The following ERH variants were observed in gnomAD, a reference collection of about 807,000 sequenced individuals.
ERH encodes the protein enhancer of rudimentary homolog.
A neutral mutation model predicts 16.8 loss-of-function variants in ERH; 1 was observed. The ratio of observed to expected loss-of-function variants is 0.06; its 90% confidence interval spans 0.02 to 0.28. The LOEUF (loss-of-function observed/expected upper bound fraction) is 0.28. Ranked by LOEUF, ERH falls within the 10% of genes least tolerant of loss-of-function variation. The pLI, the probability that ERH is intolerant of heterozygous loss-of-function variation, is 1.00. For synonymous variants in ERH, 43 were observed against 43.6 expected, an observed-to-expected ratio of 0.99 and a Z score of 0.05; for missense variants, 42 against 127.5, an observed-to-expected ratio of 0.33 and a Z score of 3.23.
Position 69,380,525 on chromosome 14 carries a change from GCT to G in ERH, c.*11_*12del. On this transcript the variant is annotated 3_prime_UTR_variant, in exon 4 of 4. Transcript: ENST00000557016. ...CCAAGCCCACCCCAACCCCCCCAGT[GCT>G]TCCAACACAATTATTTCCCAGCCTG... The G allele has an allele frequency of 7.8e-7, 1 of 1,274,750 alleles. No homozygotes were observed. The highest frequency in any genetic ancestry group is 1.1e-6 in the Non-Finnish European group (1 of 872,474). 79.0% of individuals were successfully genotyped at this position (1,274,750 alleles called of 1,614,324 possible).
In ERH at chr14:69,387,088, G is replaced by A; in HGVS notation, c.92-5C>T. On this transcript the variant is annotated splice_region_variant and splice_polypyrimidine_tract_variant and intron_variant, in intron 2 of 3. Transcript: ENST00000557016. ...CTTCATACATTTTACAAACACCTAA[G>A]AAAGGATAGGAAAAAAAGCAAAATC... 1 of 1,612,292 alleles carries A rather than the reference G, an allele frequency of 6.2e-7. No individual in the cohort carries two copies. The highest frequency in any genetic ancestry group is 8.5e-7 in the Non-Finnish European group (1 of 1,179,234).
chr14:69,387,983 T>C lies in ERH; in HGVS notation c.92-900A>G, dbSNP rs924011073. ...ATGGCATGAACCTGGGAGGTGGAGATTGCAGTGAGCCGAGATCGGCCACTG... is the reference window on the plus strand; with the variant it reads ...ATGGCATGAACCTGGGAGGTGGAGACTGCAGTGAGCCGAGATCGGCCACTG... On this transcript the variant is annotated intron_variant, in intron 2 of 3. Transcript: ENST00000557016. Among the ~76,000 whole-genome samples, 4 of 152,100 alleles carry C rather than the reference T, an allele frequency of 2.6e-5. No individual in the cohort carries two copies. In the South Asian group the frequency reaches 6.2e-4, roughly 24 times the overall value.
chr14:69,394,423 CA>C (rs1882287883), intron 2 of ERH, among the ~76,000 whole-genome samples: 4 of 152,280 alleles, frequency 2.6e-5, no homozygotes, highest in South Asian at 4.1e-4. Context: ...GGTGAAACCC[CA>C]TCTCTACTAA....
In ERH at chr14:69,394,808, A is replaced by G. The variant is rs761949067; in HGVS notation, c.91+17T>C. The G allele has an allele frequency of 1.1e-4, 176 of 1,581,030 alleles. No individual in the cohort carries two copies. Among genetic ancestry groups the G allele is most frequent in the Non-Finnish European group, 1.5e-4 (173 of 1,158,592 alleles). On this transcript the variant is annotated intron_variant, in intron 2 of 3. Transcript: ENST00000557016. Reference sequence around the variant, plus strand: ...AAATGAGACATTTTTCTACCCCTTGATTAGTGTTAAACTCACCTTCCATGC... The same window carrying G: ...AAATGAGACATTTTTCTACCCCTTGGTTAGTGTTAAACTCACCTTCCATGC...
intron 1 of ERH, among the ~76,000 whole-genome samples, chr14:69,395,137 AGAC>A (rs1487996575): frequency 2.0e-5 from 3 of 152,164 alleles, no homozygotes; most frequent in Non-Finnish European, 4.4e-5. Context: ...CAACATAGCA[AGAC>A]CCTGTCTCTA....
chr14:69,398,013 G>A, intron 1 of ERH: 3 of 620,002 alleles, frequency 4.8e-6, no homozygotes, highest in Non-Finnish European at 8.5e-6. Context: ...ACCCGAGCGA[G>A]CAGGCGGGCG....
chr14:69,390,630 T>A (rs895298640), intron 2 of ERH, among the ~76,000 whole-genome samples: 16 of 152,128 alleles, frequency 1.1e-4, no homozygotes, highest in Non-Finnish European at 1.8e-4. Flanking sequence ...AAACCAATGG[T>A]TTCTTAGATA....
intron 2 of ERH, among the ~76,000 whole-genome samples, chr14:69,390,230 A>T (rs1336871278): frequency 1.3e-5 from 2 of 152,136 alleles, no homozygotes; most frequent in African/African-American, 2.4e-5. Flanking sequence ...TTTGACACAG[A>T]AATGCAGGAG....
At chr14:69,393,399 C>T (rs922931996) in intron 2 of ERH, among the ~76,000 whole-genome samples, 3 of 152,216 alleles carry the variant, frequency 2.0e-5, no homozygotes, top group East Asian at 1.9e-4. Context: ...GAATCAACTA[C>T]GTATCCATCA....
At chr14:69,393,360 G>A (rs1416369637) in intron 2 of ERH, among the ~76,000 whole-genome samples, 1 of 152,046 alleles carries the variant, frequency 6.6e-6, no homozygotes, top group African/African-American at 2.4e-5. Context: ...TACGTTTACG[G>A]CAGTACTATA....
intron 3 of ERH, 24 bp downstream of exon 3, chr14:69,386,939 A>C: frequency 6.2e-7 from 1 of 1,610,202 alleles, no homozygotes; most frequent in Non-Finnish European, 8.5e-7. Flanking sequence ...ATACAAGATA[A>C]AAGACATGTT....
At chr14:69,387,695 C>CAAAAAAAAAAAAAAA (rs57516317) in intron 2 of ERH, among the ~76,000 whole-genome samples, 10 of 113,350 alleles carry the variant, frequency 8.8e-5, no homozygotes, top group Non-Finnish European at 8.9e-5. Flanking sequence ...AGCCACAGAG[C>CAAAAAAAAAAAAAAA]AAAAAAAAAA....
intron 2 of ERH, among the ~76,000 whole-genome samples, chr14:69,392,955 C>G (rs561911632): frequency 6.6e-6 from 1 of 152,166 alleles, no homozygotes; most frequent in African/African-American, 2.4e-5. Context: ...CAATAGCAGG[C>G]AGAAATGTCA....
chr14:69,392,650 A>AT (rs1375204995), intron 2 of ERH, among the ~76,000 whole-genome samples: 1 of 152,264 alleles, frequency 6.6e-6, no homozygotes, highest in East Asian at 1.9e-4. Flanking sequence ...AATGTAGGAC[A>AT]TAAGAATGAA....
intron 1 of ERH, among the ~76,000 whole-genome samples, chr14:69,396,354 C>T (rs1409454121): frequency 2.6e-5 from 4 of 152,254 alleles, no homozygotes; most frequent in Admixed American, 1.3e-4. Flanking sequence ...CTCTGCTTTC[C>T]GGGTTCAAGC....
Position 69,380,278 on chromosome 14 carries a change from T to C in ERH, c.*260A>G, listed in dbSNP as rs574153588. ...AACAGTTGAAGGACTGGAACCAACA[T>C]TAAGTGACGAAGAACAACTTCCATC... On this transcript the variant is annotated 3_prime_UTR_variant, in exon 4 of 4. Coordinates refer to ENST00000557016, the MANE Select transcript of ERH (RefSeq NM_004450.3). 8.7e-6 allele frequency: 3 copies of C among 344,232 alleles called. No individual in the cohort carries two copies. Among genetic ancestry groups the C allele is most frequent in the African/African-American group, 4.3e-5 (2 of 46,810 alleles). 21.3% of individuals were successfully genotyped at this position (344,232 alleles called of 1,614,324 possible). A position where few individuals can be genotyped will look rare whatever the true frequency, so the allele number is the denominator to read the frequency against.
chr14:69,382,789 C>CAAAAAAA (rs1278831093), intron 3 of ERH, among the ~76,000 whole-genome samples: 2 of 103,132 alleles, frequency 1.9e-5, no homozygotes, highest in African/African-American at 7.4e-5. Flanking sequence ...ACTCTATCTC[C>CAAAAAAA]AAAAGAAAAA....
At chr14:69,398,039 G>A (rs1420986068) in intron 1 of ERH, 192 bp downstream of exon 1, 6 of 720,692 alleles carry the variant, frequency 8.3e-6, no homozygotes, top group Non-Finnish European at 1.1e-5. Context: ...CCGCAGGGCG[G>A]ACCGGGGCTC....
At chr14:69,384,422 G>A (rs1304228098) in intron 3 of ERH, among the ~76,000 whole-genome samples, 1 of 152,160 alleles carries the variant, frequency 6.6e-6, no homozygotes, top group African/African-American at 2.4e-5. Context: ...GGTAGACCCA[G>A]GATTCAAACC....
Sources: allele counts gnomAD v4.1 joint callset (sites outside exome capture counted in the v4.1 genomes callset), GRCh38; gene constraint gnomAD v4.1.1; transcripts MANE v1.5; gene names NCBI Gene and HGNC (gene_info 2026-07-23, HGNC 2026-07-21).